Variants in TTC6 observed in about 807,000 individuals in gnomAD.
TTC6 encodes tetratricopeptide repeat protein 6.
In TTC6, 172 loss-of-function variants were observed where a neutral mutation model predicts 210.4. The observed-to-expected ratio is 0.82, with a 90% CI of 0.72 to 0.93. The LOEUF (loss-of-function observed/expected upper bound fraction) is 0.93, where lower values mean the gene tolerates loss of function less well. Ranked by LOEUF, TTC6 falls within the 40% of genes least tolerant of loss-of-function variation. The pLI, the probability that TTC6 is intolerant of heterozygous loss-of-function variation, is 0.00. For missense variants in TTC6, 2,414 were observed against 2,318.1 expected (o/e 1.04, Z -0.85); for synonymous variants, 804 against 819.6 (o/e 0.98, Z 0.32).
chr14:37,776,119 C>T lies in TTC6; in HGVS notation c.3267-11349C>T, dbSNP rs2096036918. On this transcript the variant is annotated intron_variant, in intron 14 of 30. Transcript: ENST00000553443. ...AGGCTGGAGTGCAGTGGCGCAATCTCGGCTCACTGCAAGCTCCGATTCCCG... is the reference window on the plus strand; with the variant it reads ...AGGCTGGAGTGCAGTGGCGCAATCTTGGCTCACTGCAAGCTCCGATTCCCG... Among the ~76,000 whole-genome samples the T allele has an allele frequency of 1.4e-4, 3 of 20,854 alleles. 1 individual carries two copies. Among genetic ancestry groups the T allele is most frequent in the East Asian group, 2.5e-3 (2 of 810 alleles). The allele number at this position is 20,854 out of a possible 152,430, so 13.7% of individuals were successfully genotyped here. A position where few individuals can be genotyped will look rare whatever the true frequency, so the allele number is the denominator to read the frequency against.
chr14:37,766,032 C>T (rs1292374828), intron 14 of TTC6, among the ~76,000 whole-genome samples: 1 of 152,042 alleles, frequency 6.6e-6, no homozygotes, highest in African/African-American at 2.4e-5. Flanking sequence ...TAATGTGTCT[C>T]TATGTGAAAC....
rs376063570 is a variant in TTC6 at position 37,616,671 on chromosome 14, T to C, written c.-154-5379T>C. On this transcript the variant is annotated intron_variant, in intron 2 of 2. Transcript: ENST00000556845. ...AAGATCGCGCCACTGCACTCCAGCC[T>C]GGGCGACAGAGTGATACTCTGCCTC... 5.4e-4 allele frequency among the ~76,000 whole-genome samples: 78 copies of C among 143,616 alleles called. No individual in the cohort carries two copies. The East Asian group carries it at 0.016, about 30-fold the overall frequency. 94.2% of individuals were successfully genotyped at this position (143,616 alleles called of 152,430 possible).
At position 37,835,972 on chromosome 14, in the gene TTC6, A is replaced by G. The variant is rs528486569; in HGVS notation, c.5299-5473A>G. 4.6e-5 allele frequency among the ~76,000 whole-genome samples: 7 copies of G among 152,242 alleles called. No homozygotes were observed. The East Asian group carries it at 9.7e-4, about 21-fold the overall frequency. ...CTACATTTCTCTGCTCAGAAAGTCC[A>G]TTTATTCTCATGACTTACACTACTT... On this transcript the variant is annotated intron_variant, in intron 29 of 30. Coordinates refer to ENST00000553443, the Ensembl canonical transcript of TTC6.
chr14:37,836,002 C>T (rs530946617), intron 29 of TTC6, among the ~76,000 whole-genome samples: 12 of 152,072 alleles, frequency 7.9e-5, no homozygotes, highest in Non-Finnish European at 1.5e-4. Flanking sequence ...CTACTTGAAA[C>T]CCTCCTTCTT....
intron 1 of TTC6, among the ~76,000 whole-genome samples, chr14:37,668,711 G>A (rs2095752854): frequency 6.6e-6 from 1 of 152,176 alleles, no homozygotes; most frequent in Non-Finnish European, 1.5e-5. Flanking sequence ...AAAGTCACAT[G>A]GCAAAAGGTG....
At chr14:37,826,296 T>C (rs1304878085) in exon 28 of TTC6, 4 of 1,612,040 alleles carry the variant, frequency 2.5e-6, no homozygotes. Flanking sequence ...TGGTCTGTCT[T>C]CAGATGGGTA....
At chr14:37,603,024 G>A (rs2095618684) in intron 1 of TTC6, among the ~76,000 whole-genome samples, 2 of 152,130 alleles carry the variant, frequency 1.3e-5, no homozygotes. Context: ...GGGGTTGAAG[G>A]TCAGTTTACA....
chr14:37,721,954 A>T (rs2095862918), intron 6 of TTC6, among the ~76,000 whole-genome samples: 2 of 147,010 alleles, frequency 1.4e-5, no homozygotes, highest in Non-Finnish European at 3.0e-5. Context: ...TTTCCCCCTC[A>T]GTGCAAATGT....
chr14:37,656,525 G>C (rs988684654), intron 1 of TTC6, among the ~76,000 whole-genome samples: 1 of 151,284 alleles, frequency 6.6e-6, no homozygotes, highest in African/African-American at 2.4e-5. Flanking sequence ...GTGTGTGTGT[G>C]TGTGTGTGTG....
chr14:37,776,316 C>G (rs2096037438), intron 14 of TTC6, among the ~76,000 whole-genome samples: 1 of 152,088 alleles, frequency 6.6e-6, no homozygotes, highest in East Asian at 1.9e-4. Flanking sequence ...TGTTTACATT[C>G]AAGGTTAGTG....
chr14:37,763,117 C>T (rs1353765316), intron 14 of TTC6, among the ~76,000 whole-genome samples: 4 of 151,740 alleles, frequency 2.6e-5, no homozygotes, highest in East Asian at 1.9e-4. Flanking sequence ...CTCAATCTCC[C>T]GACTTCATGA....
intron 20 of TTC6, chr14:37,802,461 C>A (rs80135581): frequency 6.6e-6 from 1 of 152,092 alleles, no homozygotes; most frequent in African/African-American, 2.4e-5. Context: ...AGGCTGCTGA[C>A]AACATGAATG....
chr14:37,721,847 C>CATATATACATATATAT (rs1186369830), intron 6 of TTC6, among the ~76,000 whole-genome samples: 116 of 117,264 alleles, frequency 9.9e-4, no homozygotes, highest in African/African-American at 3.7e-3. Flanking sequence ...TGAGTTTCAC[C>CATATATACATATATAT]ATATATATAT....
chr14:37,811,368 A>G (rs899478795), intron 24 of TTC6, among the ~76,000 whole-genome samples: 1 of 152,098 alleles, frequency 6.6e-6, no homozygotes, highest in Non-Finnish European at 1.5e-5. Context: ...CAACATACCT[A>G]TAGGATCTTT....
chr14:37,726,567 A>AT (rs201390891), intron 7 of TTC6, among the ~76,000 whole-genome samples: 22 of 150,746 alleles, frequency 1.5e-4, no homozygotes, highest in South Asian at 4.2e-4. Flanking sequence ...TGTGTAGTGT[A>AT]TTTTTTTTTC....
chr14:37,803,983 A>G (rs2096112751), intron 20 of TTC6, among the ~76,000 whole-genome samples: 1 of 147,302 alleles, frequency 6.8e-6, no homozygotes, highest in Non-Finnish European at 1.5e-5. Flanking sequence ...CTTTCTATAT[A>G]CAGATATACA....
chr14:37,673,842 C>T (rs2095763351), intron 1 of TTC6, among the ~76,000 whole-genome samples: 1 of 152,044 alleles, frequency 6.6e-6, no homozygotes. Context: ...CTATGAAACA[C>T]ATTAAAAAAG....
At chr14:37,805,486 G>A (rs139113927) in intron 21 of TTC6, among the ~76,000 whole-genome samples, 34 of 151,168 alleles carry the variant, frequency 2.2e-4, no homozygotes, top group Admixed American at 4.0e-4. Context: ...TCTTACGTTC[G>A]TGGGGTGGAC....
At chr14:37,604,616 C>A (rs377589373) in intron 1 of TTC6, among the ~76,000 whole-genome samples, 2 of 152,104 alleles carry the variant, frequency 1.3e-5, no homozygotes, top group African/African-American at 4.8e-5. Flanking sequence ...ATCGCCCTGG[C>A]TATGTGTACC....
Sources: gnomAD v4.1 joint callset for allele counts (sites outside exome capture counted in the v4.1 genomes callset) on GRCh38, gnomAD v4.1.1 for gene constraint, MANE v1.5 for transcripts, NCBI Gene and HGNC (gene_info 2026-07-23, HGNC 2026-07-21) for gene names.